AKAP8: variants seen among roughly 807,000 people sequenced by gnomAD.
AKAP8 encodes A-kinase anchoring protein 8.
Under a neutral mutation model 67.5 loss-of-function variants are expected in AKAP8, and 24 were observed. The ratio of observed to expected loss-of-function variants is 0.36; its 90% CI spans 0.26 to 0.50. AKAP8 has a LOEUF of 0.50. Among genes scored for constraint, AKAP8 ranks in the 20% least tolerant of loss-of-function variants. The pLI, the probability that AKAP8 is intolerant of heterozygous loss-of-function variation, is 0.97. For synonymous variants in AKAP8, 400 were observed against 371.1 expected, an observed-to-expected ratio of 1.08 and a Z score of -0.90; for missense variants, 971 against 955.9, an observed-to-expected ratio of 1.02 and a Z score of -0.21.
rs1967047977 is a variant in AKAP8 at position 15,365,107 on chromosome 19, T to C, written c.1161-2856A>G. 2.6e-5 allele frequency among the ~76,000 whole-genome samples: 4 copies of C among 152,330 alleles called. No homozygotes were observed. The South Asian group carries it at 8.3e-4, about 32-fold the overall frequency. On this transcript the variant is annotated intron_variant, in intron 9 of 13. Coordinates refer to ENST00000269701, the MANE Select transcript of AKAP8 (RefSeq NM_005858.4). ...AGCCCCTGAGAAAACACCAGAAAGC[T>C]GCAACTGCTTGGAACTGGGGACGCC...
intron 9 of AKAP8, among the ~76,000 whole-genome samples, chr19:15,363,849 T>C (rs2145069424): frequency 6.6e-6 from 1 of 151,944 alleles, no homozygotes; most frequent in East Asian, 1.9e-4. Context: ...TGTTGATCTG[T>C]GACCTTACCC....
At position 15,369,671 on chromosome 19, in the gene AKAP8, G is replaced by A. The variant is rs1365765601; in HGVS notation, c.1072+475C>T. On this transcript the variant is annotated intron_variant, in intron 8 of 13. Transcript: ENST00000269701. This position sits in a 1 kb window ranked among gnomAD's most constrained non-coding sequence, Gnocchi z 4.6. ...CGCAGGTGTCTGCTGTCACACACTC[G>A]CAGGCACGAAGCAATGTGCAGTGCA... is the stretch of plus-strand genomic sequence containing the variant. Among the ~76,000 whole-genome samples, 3 of 152,174 alleles carry A rather than the reference G, an allele frequency of 2.0e-5. No homozygotes were observed. The highest frequency in any genetic ancestry group is 2.4e-5 in the African/African-American group (1 of 41,450).
chr19:15,373,132 G>A lies in AKAP8; in HGVS notation c.580C>T (p.Arg194Cys), dbSNP rs374092087. The change falls in exon 5 of 14, where the codon CGC becomes TGC. Residue 194 changes from arginine (R) to cysteine (C), a missense_variant. Arg to Cys is a radical substitution (Grantham distance 180). Around this residue, in one of 3 missense-constraint regions of AKAP8, gnomAD observed 763 missense variants for 745.4 expected, o/e 1.02. Coordinates refer to ENST00000269701, the MANE Select transcript of AKAP8 (RefSeq NM_005858.4). ...CCAGGGTTGCTCCGGTCCTGGAAGC[G>A]GCCCTGGCCCCGGCCCCGCATGAAG... ...DGFMRGRGQG[R>C]FQDRSNPGTF... 2.9e-5 allele frequency: 47 copies of A among 1,612,858 alleles called. No homozygotes were observed. The highest frequency in any genetic ancestry group is 4.0e-5 in the African/African-American group (3 of 74,920).
At position 15,374,513 on chromosome 19, in the gene AKAP8, C is replaced by T. The variant is rs1040527453; in HGVS notation, c.91+90G>A. 5.1e-5 allele frequency: 75 copies of T among 1,481,372 alleles called. No individual in the cohort carries two copies. In the Admixed American group the frequency reaches 1.1e-3, roughly 22 times the overall value. 91.8% of individuals were successfully genotyped at this position (1,481,372 alleles called of 1,614,324 possible). A position where few individuals can be genotyped will look rare whatever the true frequency, so the allele number is the denominator to read the frequency against. The stretch of plus-strand genomic sequence containing the variant: ...CTCAGGAACAGAGCCAGAAAGTCCA[C>T]GCCAGACCTCCCTGACGGGCTGACC... On this transcript the variant is annotated intron_variant, in intron 3 of 13. Transcript: ENST00000269701.
chr19:15,368,309 G>A lies in AKAP8; in HGVS notation c.1086C>T (p.Asp362=), dbSNP rs778010401. ...DSGRQRGEKE[D]EDEDVKKRRE... is the part of the protein sequence containing the mutation. ...TTCTCTTCTTCACATCCTCGTCCTCGTCCTCCTTCTCTCCTGTAACAGACA... is the reference window on the plus strand; with the variant it reads ...TTCTCTTCTTCACATCCTCGTCCTCATCCTCCTTCTCTCCTGTAACAGACA... The change falls in exon 9 of 14, where the codon GAC becomes GAT. Residue 362 remains aspartate (D), a synonymous_variant. Coordinates refer to ENST00000269701, the MANE Select transcript of AKAP8 (RefSeq NM_005858.4). 1.3e-5 allele frequency: 21 copies of A among 1,613,504 alleles called. 1 individual carries two copies. Among genetic ancestry groups the A allele is most frequent in the Admixed American group, 5.0e-5 (3 of 60,002 alleles).
chr19:15,370,521 C>T (rs545483889), intron 7 of AKAP8, among the ~76,000 whole-genome samples: 2 of 152,174 alleles, frequency 1.3e-5, no homozygotes, highest in South Asian at 2.1e-4. Flanking sequence ...GTTCACCAAC[C>T]GTAGGGAGAT....
chr19:15,373,802 T>G lies in AKAP8; in HGVS notation c.355A>C (p.Ile119Leu). The change falls in exon 4 of 14, where the codon ATA becomes CTA. Residue 119 changes from isoleucine (I) to leucine (L), a missense_variant. This residue lies in a region of AKAP8 where 763 missense variants were observed against 745.4 expected (regional missense o/e 1.02). Transcript: ENST00000269701. ...CATAATCACCTCTCCCGGTCCTGTA[T>G]GCCCTCCCCACCGCCGCCGCTCCCG... ...RGGSGGGGEG[I>L]QDRESSFRFQ... 1 of 1,609,860 alleles carries G rather than the reference T, an allele frequency of 6.2e-7. No homozygotes were observed. The highest frequency in any genetic ancestry group is 8.5e-7 in the Non-Finnish European group (1 of 1,179,670).
chr19:15,362,208 C>T lies in AKAP8; in HGVS notation c.1204G>A (p.Asp402Asn). Residue 402 changes from aspartate to asparagine, a missense_variant, in exon 10 of 14, where the codon GAC (aspartate) becomes AAC (asparagine). Transcript: ENST00000269701. ...TGCAGATGCTTCTGGATCTCTTCGT[C>T]ATCAAAGCTACGGAACTTGCATACA... ...CSVCKFRSFDDEEIQKHLQSK... is the reference protein window; with the variant it reads ...CSVCKFRSFDNEEIQKHLQSK... 1 of 1,614,076 alleles carries T rather than the reference C, an allele frequency of 6.2e-7. No homozygotes were observed. The highest frequency in any genetic ancestry group is 1.1e-5 in the South Asian group (1 of 91,074).
chr19:15,364,613 T>A (rs542014260), intron 9 of AKAP8, among the ~76,000 whole-genome samples: 10 of 151,742 alleles, frequency 6.6e-5, no homozygotes, highest in African/African-American at 2.4e-4. Flanking sequence ...CCTCCCAAAG[T>A]GCTGGGATTA....
intron 1 of AKAP8, 144 bp downstream of exon 1, chr19:15,379,569 G>T: frequency 2.3e-6 from 2 of 875,574 alleles, no homozygotes; most frequent in Non-Finnish European, 3.2e-6. Flanking sequence ...AGCGGCGCGC[G>T]CGCGCCCTGG....
At chr19:15,363,511 C>A (rs1298579268) in intron 9 of AKAP8, among the ~76,000 whole-genome samples, 14 of 143,348 alleles carry the variant, frequency 9.8e-5, no homozygotes, top group African/African-American at 3.8e-4. Flanking sequence ...GCCCGGCCAG[C>A]CGCACCGTCC....
At chr19:15,361,965 T>C (rs963355039) in intron 10 of AKAP8, 143 bp from the exon 11 acceptor site, 29 of 1,373,302 alleles carry the variant, frequency 2.1e-5, no homozygotes, top group Middle Eastern at 1.9e-4. Context: ...CGGTTGTCCC[T>C]GTGACTCAGG....
intron 2 of AKAP8, 41 bp from the exon 3 acceptor site, chr19:15,374,676 A>G (rs746097660): frequency 2.8e-5 from 45 of 1,611,100 alleles, no homozygotes; most frequent in Non-Finnish European, 3.6e-5. Flanking sequence ...TGTTTGCAGA[A>G]CGAAGGCACT....
At chr19:15,377,050 T>C in intron 1 of AKAP8, 36 bp from the exon 2 acceptor site, 1 of 1,608,048 alleles carries the variant, frequency 6.2e-7, no homozygotes, top group Non-Finnish European at 8.5e-7. Flanking sequence ...ATTCTATTTG[T>C]CACACCAGAG....
At chr19:15,363,805 C>T (rs2145069370) in intron 9 of AKAP8, among the ~76,000 whole-genome samples, 1 of 152,136 alleles carries the variant, frequency 6.6e-6, no homozygotes, top group East Asian at 1.9e-4. Flanking sequence ...TCATTTTGTT[C>T]TATACTAAGA....
At position 15,374,075 on chromosome 19, in the gene AKAP8, G is replaced by A; in HGVS notation, c.92-10C>T. The stretch of plus-strand genomic sequence containing the variant: ...TTGTAGTTTTCATAACCTGTCACAG[G>A]GGGAGGAGCCAAGTCAGACTTCAGC... On this transcript the variant is annotated splice_polypyrimidine_tract_variant and intron_variant, in intron 3 of 13. Transcript: ENST00000269701. 6.5e-7 allele frequency: 1 copy of A among 1,538,060 alleles called. No homozygotes were observed. The highest frequency in any genetic ancestry group is 1.3e-5 in the South Asian group (1 of 78,872).
Position 15,369,486 on chromosome 19 carries a change from T to G in AKAP8, c.1072+660A>C, listed in dbSNP as rs1385485107. The stretch of plus-strand genomic sequence containing the variant: ...GGTAAAGAAACGAGTGGCTTCAGGG[T>G]GAGCTCCAGGCCGCGGCACCTCAGG... On this transcript the variant is annotated intron_variant, in intron 8 of 13. Transcript: ENST00000269701. This position sits in a 1 kb window ranked among gnomAD's most constrained non-coding sequence, Gnocchi z 4.6. Among the ~76,000 whole-genome samples the G allele has an allele frequency of 6.6e-6, 1 of 152,092 alleles. No homozygotes were observed. The highest frequency in any genetic ancestry group is 1.5e-5 in the Non-Finnish European group (1 of 68,016).
At chr19:15,379,439 A>C in intron 1 of AKAP8, 1 of 453,030 alleles carries the variant, frequency 2.2e-6, no homozygotes, top group East Asian at 3.8e-5. Context: ...ACACTGTCTA[A>C]GACGCCCCCA....
rs1055952904 is a variant in AKAP8, at chr19:15,372,990, C to A, written c.722G>T (p.Ser241Ile). Residue 241 changes from serine (S) to isoleucine (I), a missense_variant, in exon 5 of 14, where the codon AGC (serine) becomes ATC (isoleucine). Ser to Ile is a moderately radical substitution (Grantham distance 142). This residue lies in a region of AKAP8 where 763 missense variants were observed against 745.4 expected (regional missense o/e 1.02). Coordinates refer to ENST00000269701, the MANE Select transcript of AKAP8 (RefSeq NM_005858.4). ...GGAGAAGAGGGACGGAGGTGGCCGG[C>A]TGGGGGAGGGCCCTCCCAGGCCCCG... ...GGRGLGGPSP[S>I]RPPPSLFSQS... 1.9e-6 allele frequency: 3 copies of A among 1,565,938 alleles called. No individual in the cohort carries two copies. Among genetic ancestry groups the A allele is most frequent in the Non-Finnish European group, 1.7e-6 (2 of 1,155,226 alleles).
Sources: allele counts gnomAD v4.1 joint callset (sites outside exome capture counted in the v4.1 genomes callset), GRCh38; gene constraint gnomAD v4.1.1; regional missense constraint gnomAD v4.1.1; non-coding constraint Gnocchi (gnomAD v3.1); transcripts MANE v1.5; gene names NCBI Gene and HGNC (gene_info 2026-07-23, HGNC 2026-07-21).